Variants in MGAT4C observed in about 807,000 individuals in gnomAD.
MGAT4C encodes MGAT4 family member C.
MGAT4C carries 19 observed loss-of-function variants against 40.1 expected under a neutral mutation model. That is an observed-to-expected ratio of 0.47 (90% CI 0.33 to 0.70). MGAT4C has a LOEUF of 0.70. Among genes scored for constraint, MGAT4C ranks in the 30% least tolerant of loss-of-function variants. MGAT4C has a pLI of 0.02. For synonymous variants in MGAT4C, 181 were observed against 187.1 expected (o/e 0.97, Z 0.27); for missense variants, 491 against 563.2 (o/e 0.87, Z 1.30).
chr12:86,085,372 A>G (rs1441263273), intron 1 of MGAT4C, among the ~76,000 whole-genome samples: 1 of 152,012 alleles, frequency 6.6e-6, no homozygotes, highest in Non-Finnish European at 1.5e-5. Context: ...TCGTAAGTTA[A>G]TTTTTGTATA....
At chr12:86,749,511 A>G (rs961105517) in intron 1 of MGAT4C, among the ~76,000 whole-genome samples, 1 of 151,758 alleles carries the variant, frequency 6.6e-6, no homozygotes, top group Admixed American at 6.6e-5. Flanking sequence ...AATATTATAA[A>G]TTAGGTAACA....
At chr12:86,757,540 G>A (rs1951326378) in intron 1 of MGAT4C, among the ~76,000 whole-genome samples, 1 of 152,034 alleles carries the variant, frequency 6.6e-6, no homozygotes, top group Admixed American at 6.6e-5. Flanking sequence ...ATTTCTCCCT[G>A]AGATATCCCC....
intron 1 of MGAT4C, among the ~76,000 whole-genome samples, chr12:86,728,095 T>C (rs933814192): frequency 3.3e-5 from 5 of 152,204 alleles, no homozygotes; most frequent in Non-Finnish European, 7.4e-5. Context: ...TAAAATCATA[T>C]TTCCATAGAA....
chr12:86,672,928 T>A (rs1376100464), intron 2 of MGAT4C, among the ~76,000 whole-genome samples: 1 of 152,020 alleles, frequency 6.6e-6, no homozygotes, highest in African/African-American at 2.4e-5. Flanking sequence ...TATTTAGATT[T>A]AAAAAGAAAG....
At chr12:86,501,591 A>C (rs1565807539) in intron 2 of MGAT4C, among the ~76,000 whole-genome samples, 1 of 149,092 alleles carries the variant, frequency 6.7e-6, no homozygotes, top group African/African-American at 2.5e-5. Context: ...GAGAACATGC[A>C]GTGCTTGGTT....
intron 3 of MGAT4C, 80 bp from the exon 4 acceptor site, chr12:85,983,750 T>C: frequency 6.0e-6 from 7 of 1,164,304 alleles, no homozygotes; most frequent in Non-Finnish European, 8.3e-6. Context: ...TTTTACACAA[T>C]AAATGTACGA....
intron 2 of MGAT4C, among the ~76,000 whole-genome samples, chr12:86,616,924 C>G (rs1236235474): frequency 6.6e-6 from 1 of 152,020 alleles, no homozygotes; most frequent in African/African-American, 2.4e-5. Context: ...CTACACAAAT[C>G]TTACTTCTCA....
chr12:86,059,736 A>T (rs539950384), intron 1 of MGAT4C, among the ~76,000 whole-genome samples: 24 of 152,322 alleles, frequency 1.6e-4, no homozygotes, highest in African/African-American at 5.3e-4. Flanking sequence ...ACAAGGAGCT[A>T]AAGTGAGAAG....
At chr12:86,101,545 C>A (rs1315187775) in intron 1 of MGAT4C, among the ~76,000 whole-genome samples, 1 of 151,746 alleles carries the variant, frequency 6.6e-6, no homozygotes, top group Non-Finnish European at 1.5e-5. Context: ...TTAAAGACAT[C>A]TTTCTAAACA....
chr12:86,118,666 T>C (rs1308184487), intron 1 of MGAT4C, among the ~76,000 whole-genome samples: 1 of 152,160 alleles, frequency 6.6e-6, no homozygotes, highest in African/African-American at 2.4e-5. Flanking sequence ...CAAGGGCTTG[T>C]GACATTAAAT....
At chr12:86,440,289 T>G (rs1225885185) in intron 2 of MGAT4C, among the ~76,000 whole-genome samples, 1 of 152,106 alleles carries the variant, frequency 6.6e-6, no homozygotes, top group Non-Finnish European at 1.5e-5. Context: ...TATGATTATG[T>G]GGGTTTCATT....
At chr12:86,473,346 C>G (rs1033116029) in intron 2 of MGAT4C, among the ~76,000 whole-genome samples, 2 of 152,202 alleles carry the variant, frequency 1.3e-5, no homozygotes, top group Non-Finnish European at 2.9e-5. Flanking sequence ...AATGCCAACT[C>G]TGACAAACCA....
chr12:86,017,093 C>T lies in MGAT4C; in HGVS notation c.-6-27541G>A, dbSNP rs574897374. The stretch of plus-strand genomic sequence containing the variant: ...GAATTGTTATCTGTATGTTTTATTT[C>T]ACCTTGGATTCTGATCTTCTTAAAT... On this transcript the variant is annotated intron_variant, in intron 2 of 4. Transcript: ENST00000611864. Among the ~76,000 whole-genome samples the T allele has an allele frequency of 2.6e-5, 4 of 152,038 alleles. No individual in the cohort carries two copies. In the East Asian group the frequency reaches 7.7e-4, roughly 29 times the overall value.
intron 1 of MGAT4C, among the ~76,000 whole-genome samples, chr12:86,824,131 G>A (rs957312249): frequency 3.3e-5 from 5 of 151,332 alleles, no homozygotes; most frequent in African/African-American, 1.2e-4. Flanking sequence ...TAGTCCCTGA[G>A]TGGCTGTCTC....
intron 3 of MGAT4C, among the ~76,000 whole-genome samples, chr12:85,984,229 T>A (rs573765185): frequency 1.3e-5 from 2 of 152,344 alleles, no homozygotes; most frequent in East Asian, 3.9e-4. Flanking sequence ...ATGTGGCTAC[T>A]ATCTAGCTGT....
intron 2 of MGAT4C, among the ~76,000 whole-genome samples, chr12:86,566,565 T>TAC (rs1960121773): frequency 7.6e-6 from 1 of 130,982 alleles, no homozygotes; most frequent in Non-Finnish European, 1.6e-5. Flanking sequence ...TATATATATA[T>TAC]ATATATATAT....
At chr12:86,291,644 G>A (rs911900839) in intron 4 of MGAT4C, among the ~76,000 whole-genome samples, 2 of 152,268 alleles carry the variant, frequency 1.3e-5, no homozygotes, top group South Asian at 2.1e-4. Flanking sequence ...ATATATGAAG[G>A]ATCCAGGGGC....
chr12:86,586,802 G>GT (rs1227465479), intron 2 of MGAT4C, among the ~76,000 whole-genome samples: 5 of 151,330 alleles, frequency 3.3e-5, no homozygotes, highest in Admixed American at 6.6e-5. Flanking sequence ...GGGGTTGTTT[G>GT]TTTTTTTTCT....
At chr12:86,485,654 G>T (rs1476654110) in intron 2 of MGAT4C, among the ~76,000 whole-genome samples, 1 of 151,998 alleles carries the variant, frequency 6.6e-6, no homozygotes, top group Non-Finnish European at 1.5e-5. Context: ...AAAATATATT[G>T]GAGGATACAA....
Sources: allele counts gnomAD v4.1 joint callset (sites outside exome capture counted in the v4.1 genomes callset), GRCh38; gene constraint gnomAD v4.1.1; transcripts MANE v1.5; gene names NCBI Gene and HGNC (gene_info 2026-07-23, HGNC 2026-07-21).